Variants in SGMS1 observed in about 807,000 individuals in gnomAD.
SGMS1 encodes sphingomyelin synthase 1.
Under a neutral mutation model 46.2 loss-of-function variants are expected in SGMS1, and 13 were observed. The observed-to-expected ratio is 0.28, with a 90% CI of 0.18 to 0.45. SGMS1 has a LOEUF of 0.45. Among genes scored for constraint, SGMS1 ranks in the 20% least tolerant of loss-of-function variants. The probability of loss-of-function intolerance (pLI) is 1.00; values close to 1 mark genes in which losing one functional copy is unlikely to be tolerated. For missense variants in SGMS1, 324 were observed against 519.9 expected (o/e 0.62, Z 3.66); for synonymous variants, 203 against 187.8 (o/e 1.08, Z -0.66).
At chr10:50,559,043 C>T (rs895861260) in intron 2 of SGMS1, among the ~76,000 whole-genome samples, 6 of 152,098 alleles carry the variant, frequency 3.9e-5, no homozygotes, top group Admixed American at 3.3e-4. Flanking sequence ...AGTCTCAAAG[C>T]TGCTGCAGAC....
intron 3 of SGMS1, among the ~76,000 whole-genome samples, chr10:50,489,897 C>G (rs1254023050): frequency 6.6e-6 from 1 of 152,116 alleles, no homozygotes; most frequent in Non-Finnish European, 1.5e-5. Context: ...TGGCTTGAAC[C>G]CAGGAGGTGG....
At chr10:50,459,229 A>C (rs1218328832) in intron 5 of SGMS1, among the ~76,000 whole-genome samples, 1 of 152,248 alleles carries the variant, frequency 6.6e-6, no homozygotes, top group Admixed American at 6.5e-5. Flanking sequence ...ATATTTTAAT[A>C]ATGTCTCATA....
At chr10:50,423,619 C>T (rs1849283528) in intron 6 of SGMS1, among the ~76,000 whole-genome samples, 1 of 150,366 alleles carries the variant, frequency 6.7e-6, no homozygotes, top group Admixed American at 6.6e-5. Flanking sequence ...ATGAACTCTT[C>T]TTAGACAAGG....
intron 7 of SGMS1, among the ~76,000 whole-genome samples, chr10:50,336,316 A>G (rs897834412): frequency 2.6e-5 from 4 of 152,236 alleles, no homozygotes; most frequent in South Asian, 4.1e-4. Context: ...AACGTACTAG[A>G]AACAGAAAGT....
intron 7 of SGMS1, among the ~76,000 whole-genome samples, chr10:50,330,090 A>C (rs1433181805): frequency 6.6e-6 from 1 of 152,188 alleles, no homozygotes; most frequent in African/African-American, 2.4e-5. Context: ...ATTTTTAAAA[A>C]CATTGCTCAG....
chr10:50,491,706 C>A (rs1837569629), intron 3 of SGMS1, among the ~76,000 whole-genome samples: 1 of 152,136 alleles, frequency 6.6e-6, no homozygotes, highest in South Asian at 2.1e-4. Context: ...AGCCCCAAAC[C>A]AGACAGATTC....
intron 6 of SGMS1, among the ~76,000 whole-genome samples, chr10:50,415,491 A>G (rs941968209): frequency 6.6e-6 from 1 of 152,170 alleles, no homozygotes. Flanking sequence ...CAACATGCTC[A>G]AGAATTCAGG....
At position 50,571,284 on chromosome 10, in the gene SGMS1, G is replaced by A. The variant is rs190322983; in HGVS notation, c.-589+18869C>T. Reference sequence around the variant, plus strand: ...ATGAGGCTACTTTGCTATTGCCCAGGCAGCTCACATTCCCTCCCCTAGAAA... The same window carrying A: ...ATGAGGCTACTTTGCTATTGCCCAGACAGCTCACATTCCCTCCCCTAGAAA... On this transcript the variant is annotated intron_variant, in intron 2 of 10. Transcript: ENST00000361781. Among the ~76,000 whole-genome samples, 4 of 152,328 alleles carry A rather than the reference G, an allele frequency of 2.6e-5. No individual in the cohort carries two copies. The East Asian group carries it at 5.8e-4, about 22-fold the overall frequency.
intron 6 of SGMS1, among the ~76,000 whole-genome samples, chr10:50,355,868 C>G (rs868515723): frequency 6.6e-6 from 1 of 151,886 alleles, no homozygotes; most frequent in East Asian, 1.9e-4. Context: ...ATGTGAAGAG[C>G]GCCTCTGCCC....
Position 50,499,547 on chromosome 10 carries a change from A to C in SGMS1, c.-498+20284T>G, listed in dbSNP as rs529881745. On this transcript the variant is annotated intron_variant, in intron 3 of 10. Coordinates refer to ENST00000361781, the MANE Select transcript of SGMS1 (RefSeq NM_147156.4). ...ATATATATACTCACCAAACCTCAAG[A>C]TTGTCACTGTAGACAAGATAGTATT... is the stretch of plus-strand genomic sequence containing the variant. Among the ~76,000 whole-genome samples the C allele has an allele frequency of 5.9e-5, 9 of 152,332 alleles. No homozygotes were observed. In the South Asian group the frequency reaches 1.9e-3, roughly 32 times the overall value.
At chr10:50,465,438 T>A (rs186325390) in intron 4 of SGMS1, among the ~76,000 whole-genome samples, 15 of 151,360 alleles carry the variant, frequency 9.9e-5, no homozygotes, top group East Asian at 1.9e-4. Flanking sequence ...CAAAAAAAAA[T>A]GAGAAAATAT....
chr10:50,434,720 C>CA lies in SGMS1; in HGVS notation c.-312-1165dup, dbSNP rs35940464. Among the ~76,000 whole-genome samples, 552 of 137,104 alleles carry CA rather than the reference C, an allele frequency of 4.0e-3. 9 individuals are homozygous for CA. The highest frequency in any genetic ancestry group is 9.0e-3 in the African/African-American group (336 of 37,194). 89.9% of individuals were successfully genotyped at this position (137,104 alleles called of 152,430 possible). On this transcript the variant is annotated intron_variant, in intron 5 of 10. Coordinates refer to ENST00000361781, the MANE Select transcript of SGMS1 (RefSeq NM_147156.4). ...TGAAACCCTGTCTCTACTAAAAATA[C>CA]AAAAAAAAAAAAAAATTAGCCAGGC...
intron 6 of SGMS1, among the ~76,000 whole-genome samples, chr10:50,417,742 A>G (rs7895814): frequency 0.015 from 2,272 of 152,294 alleles, 61 homozygotes; most frequent in African/African-American, 0.052. Context: ...AAAAACTGCC[A>G]TTAGGAAGAC....
At chr10:50,578,475 C>G (rs1360771626) in intron 2 of SGMS1, among the ~76,000 whole-genome samples, 1 of 152,014 alleles carries the variant, frequency 6.6e-6, no homozygotes, top group Non-Finnish European at 1.5e-5. Flanking sequence ...TATCACAAGG[C>G]CCAATTATCA....
intron 2 of SGMS1, among the ~76,000 whole-genome samples, chr10:50,579,252 CA>C (rs1376480280): frequency 6.6e-5 from 10 of 151,988 alleles, no homozygotes; most frequent in Admixed American, 6.6e-4. Context: ...AGCTAAAAAG[CA>C]GATGCGGAAA....
chr10:50,444,699 T>C (rs187434199), intron 5 of SGMS1, among the ~76,000 whole-genome samples: 155 of 143,540 alleles, frequency 1.1e-3, no homozygotes, highest in Non-Finnish European at 1.6e-3. Context: ...ATATCCATCC[T>C]GGGCAACACA....
intron 2 of SGMS1, among the ~76,000 whole-genome samples, chr10:50,580,600 G>A (rs917448295): frequency 1.3e-5 from 2 of 152,196 alleles, no homozygotes; most frequent in Non-Finnish European, 2.9e-5. Flanking sequence ...ACGTGAGTGG[G>A]CAACTATAGG....
At chr10:50,398,808 T>G (rs1848887062) in intron 6 of SGMS1, among the ~76,000 whole-genome samples, 1 of 151,642 alleles carries the variant, frequency 6.6e-6, no homozygotes, top group Non-Finnish European at 1.5e-5. Flanking sequence ...ATATATATAT[T>G]ATTATTATTA....
At chr10:50,415,270 A>G (rs771044578) in intron 6 of SGMS1, among the ~76,000 whole-genome samples, 7 of 152,148 alleles carry the variant, frequency 4.6e-5, no homozygotes, top group Non-Finnish European at 5.9e-5. Context: ...CATACTGATC[A>G]TCACTTTTAT....
Sources: allele counts gnomAD v4.1 joint callset (sites outside exome capture counted in the v4.1 genomes callset), GRCh38; gene constraint gnomAD v4.1.1; transcripts MANE v1.5; gene names NCBI Gene and HGNC (gene_info 2026-07-23, HGNC 2026-07-21).